Variants in ELMO1 observed in about 807,000 individuals in gnomAD.
The protein encoded by ELMO1 is engulfment and cell motility 1.
ELMO1 carries 26 observed loss-of-function variants against 98.9 expected under a neutral mutation model. That is an observed-to-expected ratio of 0.26 (90% CI 0.19 to 0.36). The LOEUF (loss-of-function observed/expected upper bound fraction) is 0.36, where lower values mean the gene tolerates loss of function less well. Among genes scored for constraint, ELMO1 ranks in the 10% least tolerant of loss-of-function variants. The probability of loss-of-function intolerance (pLI) is 1.00; values close to 1 mark genes in which losing one functional copy is unlikely to be tolerated. For missense variants in ELMO1, 627 were observed against 935.2 expected (o/e 0.67, Z 4.30); for synonymous variants, 346 against 346.0 (o/e 1.00, Z 0.00).
At chr7:36,991,129 A>C (rs1333271844) in intron 16 of ELMO1, among the ~76,000 whole-genome samples, 1 of 152,232 alleles carries the variant, frequency 6.6e-6, no homozygotes, top group Non-Finnish European at 1.5e-5. Flanking sequence ...TTGTTTGATT[A>C]ATTCATTCTT....
chr7:36,879,258 T>A (rs559501303), intron 18 of ELMO1, among the ~76,000 whole-genome samples: 21 of 152,182 alleles, frequency 1.4e-4, no homozygotes, highest in Non-Finnish European at 2.9e-4. Flanking sequence ...GTCTGACACA[T>A]AAAAGTTGCA....
intron 4 of ELMO1, among the ~76,000 whole-genome samples, chr7:37,297,107 C>CT: frequency 6.6e-6 from 1 of 152,230 alleles, no homozygotes; most frequent in South Asian, 2.1e-4. Context: ...AAATGAAATG[C>CT]TTTATATTGA....
chr7:36,884,085 G>T (rs962158624), intron 18 of ELMO1, among the ~76,000 whole-genome samples: 3 of 152,082 alleles, frequency 2.0e-5, no homozygotes, highest in Non-Finnish European at 4.4e-5. Context: ...ACTTTGGGAG[G>T]CAAGGCAAGT....
chr7:36,865,229 T>C (rs924932487), intron 20 of ELMO1, among the ~76,000 whole-genome samples: 3 of 152,316 alleles, frequency 2.0e-5, no homozygotes, highest in Middle Eastern at 6.8e-3. Flanking sequence ...TCTCTATCTA[T>C]CCAGGTCATC....
intron 16 of ELMO1, among the ~76,000 whole-genome samples, chr7:37,004,247 C>A (rs2129165176): frequency 6.6e-6 from 1 of 152,256 alleles, no homozygotes; most frequent in Non-Finnish European, 1.5e-5. Context: ...AAAATGGTTT[C>A]TGTGACATTA....
At chr7:37,404,702 C>T (rs1803679926) in intron 1 of ELMO1, among the ~76,000 whole-genome samples, 1 of 152,118 alleles carries the variant, frequency 6.6e-6, no homozygotes, top group Non-Finnish European at 1.5e-5. Flanking sequence ...GCAAACTTAG[C>T]ATAAAAAGGA....
chr7:37,019,888 C>G (rs1435378079), intron 15 of ELMO1, among the ~76,000 whole-genome samples: 1 of 152,138 alleles, frequency 6.6e-6, no homozygotes, highest in Non-Finnish European at 1.5e-5. Flanking sequence ...CACTTATAAG[C>G]AAGCCAGCTT....
chr7:37,203,687 G>A (rs1272622928), intron 13 of ELMO1, among the ~76,000 whole-genome samples: 1 of 152,162 alleles, frequency 6.6e-6, no homozygotes. Context: ...CCTCAGAGAA[G>A]AGAGGCGAGA....
chr7:37,435,995 G>A (rs1253666123), intron 1 of ELMO1, among the ~76,000 whole-genome samples: 1 of 152,154 alleles, frequency 6.6e-6, no homozygotes, highest in Non-Finnish European at 1.5e-5. Context: ...TGGCAGCAGG[G>A]GTATGTACCA....
chr7:37,074,580 G>A (rs1479457630), intron 15 of ELMO1, among the ~76,000 whole-genome samples: 1 of 152,196 alleles, frequency 6.6e-6, no homozygotes, highest in Non-Finnish European at 1.5e-5. Flanking sequence ...TGTCTTTGCT[G>A]TCCTATCTGA....
At chr7:37,391,577 GTT>G (rs921906238) in intron 1 of ELMO1, among the ~76,000 whole-genome samples, 4 of 152,212 alleles carry the variant, frequency 2.6e-5, no homozygotes, top group African/African-American at 9.6e-5. Context: ...AGAAAACAGA[GTT>G]TATACCAGGA....
At chr7:37,423,584 AAAACAAACAAAC>A (rs60226641) in intron 1 of ELMO1, among the ~76,000 whole-genome samples, 44 of 150,458 alleles carry the variant, frequency 2.9e-4, no homozygotes, top group Middle Eastern at 6.8e-3. Flanking sequence ...TGTCTCAAAG[AAAACAAACAAAC>A]AAACAAACAA....
chr7:37,276,898 A>C (rs973166150), intron 4 of ELMO1, among the ~76,000 whole-genome samples: 8 of 152,172 alleles, frequency 5.3e-5, no homozygotes, highest in Non-Finnish European at 1.2e-4. Context: ...AGTCTGTTTC[A>C]GAGGGAGCAG....
At chr7:37,193,751 C>A (rs1027153371) in intron 13 of ELMO1, among the ~76,000 whole-genome samples, 1 of 152,164 alleles carries the variant, frequency 6.6e-6, no homozygotes, top group African/African-American at 2.4e-5. Context: ...AGAGTCCCTG[C>A]GTGGCGGGCC....
chr7:37,064,454 C>T (rs1021031026), intron 15 of ELMO1, among the ~76,000 whole-genome samples: 15 of 152,146 alleles, frequency 9.9e-5, no homozygotes, highest in African/African-American at 3.6e-4. Flanking sequence ...CAAGGTTTGA[C>T]AGCCAGTGGG....
At position 37,416,594 on chromosome 7, in the gene ELMO1, G is replaced by A. The variant is rs528783011; in HGVS notation, c.-74+32081C>T. On this transcript the variant is annotated intron_variant, in intron 1 of 21. Transcript: ENST00000310758. ...TTCTTAGATTCCCGCCCTAAAAGGA[G>A]GGCCACATTTGCTTACAACAGCTCA... is the stretch of plus-strand genomic sequence containing the variant. Among the ~76,000 whole-genome samples the A allele has an allele frequency of 9.2e-5, 14 of 152,306 alleles. No homozygotes were observed. In the South Asian group the frequency reaches 2.9e-3, roughly 32 times the overall value.
intron 16 of ELMO1, among the ~76,000 whole-genome samples, chr7:36,899,700 T>TTTTTTTTTTTTTTTTTTTTTTTTTTA (rs60221089): frequency 1.4e-5 from 2 of 143,542 alleles, no homozygotes; most frequent in African/African-American, 5.3e-5. Flanking sequence ...TTTTTTTTTT[T>TTTTTTTTTTTTTTTTTTTTTTTTTTA]ACCACTCCTA....
intron 19 of ELMO1, among the ~76,000 whole-genome samples, chr7:36,875,262 C>T (rs914070069): frequency 2.5e-4 from 35 of 141,608 alleles, no homozygotes; most frequent in South Asian, 1.0e-3. Context: ...CTTATTAGGC[C>T]GGGCTTTTTT....
At chr7:37,381,742 A>C (rs559486138) in intron 1 of ELMO1, among the ~76,000 whole-genome samples, 1 of 152,340 alleles carries the variant, frequency 6.6e-6, no homozygotes, top group Admixed American at 6.5e-5. Flanking sequence ...AGGGATGGAG[A>C]GAGTCTTCAA....
Sources: gnomAD v4.1 joint callset for allele counts (sites outside exome capture counted in the v4.1 genomes callset) on GRCh38, gnomAD v4.1.1 for gene constraint, MANE v1.5 for transcripts, NCBI Gene and HGNC (gene_info 2026-07-23, HGNC 2026-07-21) for gene names.